Variants in DGKB observed in about 807,000 individuals in gnomAD.
DGKB encodes the protein diacylglycerol kinase beta, also known as 90 kDa diacylglycerol kinase.
Under a neutral mutation model 114.3 loss-of-function variants are expected in DGKB, and 67 were observed. That is an observed-to-expected ratio of 0.59 (90% CI 0.48 to 0.72). The LOEUF is 0.72. Ranked by LOEUF, DGKB falls within the 30% of genes least tolerant of loss-of-function variation. The pLI is 0.00. For synonymous variants in DGKB, 398 were observed against 323.1 expected, an observed-to-expected ratio of 1.23 and a Z score of -2.49; for missense variants, 907 against 975.2, an observed-to-expected ratio of 0.93 and a Z score of 0.93.
intron 25 of DGKB, among the ~76,000 whole-genome samples, chr7:14,150,153 TA>T (rs1317127305): frequency 6.6e-6 from 1 of 152,056 alleles, no homozygotes; most frequent in African/African-American, 2.4e-5. Context: ...CTAGTGACGC[TA>T]AGAGTTTTTC....
chr7:14,610,418 C>T (rs1046729468), intron 16 of DGKB, among the ~76,000 whole-genome samples: 9 of 151,982 alleles, frequency 5.9e-5, no homozygotes, highest in Admixed American at 3.3e-4. Flanking sequence ...AAAAAAACTA[C>T]CTGTTGGGTA....
intron 21 of DGKB, among the ~76,000 whole-genome samples, chr7:14,428,575 T>C (rs1827943159): frequency 6.6e-6 from 1 of 152,194 alleles, no homozygotes; most frequent in African/African-American, 2.4e-5. Flanking sequence ...TTTCCCACAT[T>C]ATTGTATAGA....
At chr7:14,798,552 A>C (rs1031810211) in intron 2 of DGKB, among the ~76,000 whole-genome samples, 4 of 152,178 alleles carry the variant, frequency 2.6e-5, no homozygotes, top group Non-Finnish European at 4.4e-5. Context: ...TTTTCAGTGA[A>C]TCATTAGAGA....
chr7:14,941,359 A>C (rs1785562216), intron 1 of DGKB, among the ~76,000 whole-genome samples: 1 of 152,124 alleles, frequency 6.6e-6, no homozygotes, highest in South Asian at 2.1e-4. Flanking sequence ...ATTTTTGGAT[A>C]GAACTGTATC....
chr7:14,239,282 T>G (rs1261354277), intron 23 of DGKB, among the ~76,000 whole-genome samples: 4 of 134,498 alleles, frequency 3.0e-5, no homozygotes, highest in Admixed American at 1.5e-4. Flanking sequence ...TCTAAGAACA[T>G]TATTGCTGAT....
In DGKB at chr7:14,736,209, T is replaced by A. The variant is rs1456040335; in HGVS notation, c.169-15A>T. The A allele has an allele frequency of 5.4e-6, 7 of 1,289,428 alleles. No individual in the cohort carries two copies. The Admixed American group carries it at 1.4e-4, about 26-fold the overall frequency. 79.9% of individuals were successfully genotyped at this position (1,289,428 alleles called of 1,614,324 possible). Reference sequence around the variant, plus strand: ...AAATCTATTGTCTGGAAAAAAAAAATGTAAACATGTATTTTAAGATCCAAC... The same window carrying A: ...AAATCTATTGTCTGGAAAAAAAAAAAGTAAACATGTATTTTAAGATCCAAC... On this transcript the variant is annotated splice_polypyrimidine_tract_variant and intron_variant, in intron 4 of 25. Coordinates refer to ENST00000402815, the MANE Select transcript of DGKB (RefSeq NM_001350709.2).
At chr7:14,526,846 T>C (rs1433765774) in intron 20 of DGKB, among the ~76,000 whole-genome samples, 1 of 152,076 alleles carries the variant, frequency 6.6e-6, no homozygotes, top group Non-Finnish European at 1.5e-5. Flanking sequence ...TTGATGTGAG[T>C]GTGTGAACTT....
chr7:14,635,208 C>T (rs543814913), intron 13 of DGKB, among the ~76,000 whole-genome samples: 1 of 151,128 alleles, frequency 6.6e-6, no homozygotes, highest in Non-Finnish European at 1.5e-5. Context: ...TACCCTTCAA[C>T]TGTAATTGCT....
chr7:14,928,274 A>G (rs1784840463), intron 1 of DGKB, among the ~76,000 whole-genome samples: 1 of 151,956 alleles, frequency 6.6e-6, no homozygotes, highest in South Asian at 2.1e-4. Flanking sequence ...GACACAAGGA[A>G]TTTTCAAATA....
intron 20 of DGKB, among the ~76,000 whole-genome samples, chr7:14,563,568 G>A (rs988388384): frequency 2.1e-5 from 3 of 144,050 alleles, no homozygotes; most frequent in African/African-American, 5.1e-5. Flanking sequence ...TTGTTTATGC[G>A]TTATTTTCTT....
At chr7:14,372,694 T>A (rs1429991740) in intron 21 of DGKB, among the ~76,000 whole-genome samples, 1 of 152,066 alleles carries the variant, frequency 6.6e-6, no homozygotes, top group African/African-American at 2.4e-5. Flanking sequence ...TATTTATTAA[T>A]CTATACTCTT....
At chr7:14,401,104 A>G (rs1033599279) in intron 21 of DGKB, among the ~76,000 whole-genome samples, 2 of 151,804 alleles carry the variant, frequency 1.3e-5, no homozygotes, top group African/African-American at 4.8e-5. Context: ...AATAAAATCC[A>G]ATGTCTCTGA....
chr7:14,486,163 G>A (rs1783777531), intron 20 of DGKB, among the ~76,000 whole-genome samples: 1 of 151,964 alleles, frequency 6.6e-6, no homozygotes, highest in Non-Finnish European at 1.5e-5. Context: ...GTGAGATAAG[G>A]CCTGCCTTAC....
chr7:14,729,211 C>G (rs1271549394), intron 5 of DGKB, among the ~76,000 whole-genome samples: 1 of 149,374 alleles, frequency 6.7e-6, no homozygotes, highest in African/African-American at 2.5e-5. Context: ...CAAGCTCCGC[C>G]TCCTGGGTTC....
At chr7:14,646,110 T>A (rs960564242) in intron 13 of DGKB, among the ~76,000 whole-genome samples, 2 of 152,148 alleles carry the variant, frequency 1.3e-5, no homozygotes, top group East Asian at 3.9e-4. Flanking sequence ...TCCAACTATA[T>A]GCTGCCTACA....
At chr7:14,210,449 A>G (rs758865371) in intron 23 of DGKB, among the ~76,000 whole-genome samples, 13 of 152,132 alleles carry the variant, frequency 8.5e-5, no homozygotes, top group Non-Finnish European at 1.5e-4. Flanking sequence ...ATCTGCAGAC[A>G]TTTAACTTTT....
In DGKB at chr7:14,170,220, A is replaced by AAG. The variant is rs536284870; in HGVS notation, c.2304+6617_2304+6618dup. On this transcript the variant is annotated intron_variant, in intron 25 of 25. Coordinates refer to ENST00000402815, the MANE Select transcript of DGKB (RefSeq NM_001350709.2). ...AAGAAAGAAATACATTAAGCCTCTG[A>AAG]AGAGTGACTGAGTGAGGCAGCAAAG... Among the ~76,000 whole-genome samples, 21 of 151,966 alleles carry AAG rather than the reference A, an allele frequency of 1.4e-4. No homozygotes were observed. In the East Asian group the frequency reaches 3.7e-3, roughly 27 times the overall value.
At chr7:14,570,240 T>C (rs1171635447) in intron 20 of DGKB, among the ~76,000 whole-genome samples, 1 of 152,056 alleles carries the variant, frequency 6.6e-6, no homozygotes, top group East Asian at 1.9e-4. Context: ...TTCTCAATAA[T>C]GCAGCTTTCA....
At chr7:14,379,633 C>G (rs941877429) in intron 21 of DGKB, among the ~76,000 whole-genome samples, 3 of 152,050 alleles carry the variant, frequency 2.0e-5, no homozygotes, top group African/African-American at 7.2e-5. Flanking sequence ...GATCTCGGCT[C>G]ACTGCAACCT....
Sources: allele counts gnomAD v4.1 joint callset (sites outside exome capture counted in the v4.1 genomes callset), GRCh38; gene constraint gnomAD v4.1.1; transcripts MANE v1.5; gene names NCBI Gene and HGNC (gene_info 2026-07-23, HGNC 2026-07-21).